CEP350: variants seen among roughly 807,000 people sequenced by gnomAD.
CEP350 encodes centrosomal protein 350.
CEP350 carries 126 observed loss-of-function variants against 331.8 expected under a neutral mutation model. The ratio of observed to expected loss-of-function variants is 0.38; its 90% CI spans 0.33 to 0.44. CEP350 has a LOEUF of 0.44. CEP350 is among the 20% of genes least tolerant of loss of function. The pLI, the probability that CEP350 is intolerant of heterozygous loss-of-function variation, is 1.00. For missense variants in CEP350, 3,406 were observed against 3,634.6 expected, an observed-to-expected ratio of 0.94 and a Z score of 1.62; for synonymous variants, 1,200 against 1,259.5, an observed-to-expected ratio of 0.95 and a Z score of 1.00.
chr1:179,999,341 A>G (rs991240250), intron 6 of CEP350, among the ~76,000 whole-genome samples: 6 of 152,032 alleles, frequency 3.9e-5, no homozygotes, highest in Admixed American at 1.3e-4. Context: ...TAATCCTTTT[A>G]CTATTTTTTT....
intron 37 of CEP350, among the ~76,000 whole-genome samples, chr1:180,102,901 G>A (rs879291503): frequency 6.6e-6 from 1 of 152,214 alleles, no homozygotes; most frequent in Non-Finnish European, 1.5e-5. Context: ...AGGGTTCGTC[G>A]TCTCGAGCTG....
At chr1:180,101,256 A>G (rs1008626816) in intron 37 of CEP350, among the ~76,000 whole-genome samples, 3 of 152,174 alleles carry the variant, frequency 2.0e-5, no homozygotes, top group East Asian at 3.9e-4. Context: ...CCTGACCTAT[A>G]TAACTTTTTG....
At chr1:179,969,053 A>AGTT (rs1651235703) in intron 1 of CEP350, 1 of 733,748 alleles carries the variant, frequency 1.4e-6, no homozygotes, top group South Asian at 1.4e-5. Context: ...ATCTTAGGTT[A>AGTT]ACCTACCTAC....
chr1:179,971,547 A>G (rs1432291334), intron 1 of CEP350, among the ~76,000 whole-genome samples: 2 of 152,042 alleles, frequency 1.3e-5, no homozygotes, highest in African/African-American at 4.8e-5. Flanking sequence ...GCTGGTCTTG[A>G]ACTCTTGGAC....
In CEP350 at chr1:180,050,690, A is replaced by C. The variant is rs972069553; in HGVS notation, c.4792+1985A>C. Among the ~76,000 whole-genome samples the C allele has an allele frequency of 7.5e-5, 11 of 147,162 alleles. No individual in the cohort carries two copies. In the East Asian group the frequency reaches 1.8e-3, roughly 24 times the overall value. On this transcript the variant is annotated intron_variant, in intron 22 of 37. Coordinates refer to ENST00000367607, the MANE Select transcript of CEP350 (RefSeq NM_014810.5). The stretch of plus-strand genomic sequence containing the variant: ...AAAAAAACCAAAAAAAAAAAAAAAA[A>C]CAAAAAAACCTCAATAATAGGAAAA...
Position 180,020,409 on chromosome 1 carries a change from C to G in CEP350, c.2635C>G (p.Pro879Ala), listed in dbSNP as rs1438671801. The G allele has an allele frequency of 1.1e-5, 17 of 1,613,818 alleles. No individual in the cohort carries two copies. The highest frequency in any genetic ancestry group is 1.4e-5 in the Non-Finnish European group (17 of 1,179,892). The change falls in exon 12 of 38, where the codon CCA (proline) becomes GCA (alanine). Residue 879 changes from proline to alanine, a missense_variant. Transcript: ENST00000367607. The stretch of plus-strand genomic sequence containing the variant: ...TGGACCTTGGACCAAGGCTGTAACT[C>G]CACCTGTGAAAGATGATAATGAAGA... ...EDGPWTKAVTPPVKDDNEDVF... is the reference protein window; with the variant it reads ...EDGPWTKAVTAPVKDDNEDVF...
intron 22 of CEP350, among the ~76,000 whole-genome samples, chr1:180,052,012 T>C (rs1200983931): frequency 6.6e-6 from 1 of 152,180 alleles, no homozygotes; most frequent in Non-Finnish European, 1.5e-5. Flanking sequence ...ATCATAGACA[T>C]AAGTACGAAT....
At chr1:180,109,881 C>T (rs1374891933) in intron 37 of CEP350, among the ~76,000 whole-genome samples, 1 of 152,252 alleles carries the variant, frequency 6.6e-6, no homozygotes, top group South Asian at 2.1e-4. Flanking sequence ...GTGATCCACC[C>T]GCCTAGGCCT....
chr1:180,049,700 C>T (rs1249211804), intron 22 of CEP350, among the ~76,000 whole-genome samples: 2 of 152,070 alleles, frequency 1.3e-5, no homozygotes, highest in Non-Finnish European at 2.9e-5. Flanking sequence ...CGCACCACAA[C>T]ACCTGGCTAA....
intron 16 of CEP350, among the ~76,000 whole-genome samples, chr1:180,035,229 G>T (rs1656272264): frequency 6.6e-6 from 1 of 152,238 alleles, no homozygotes; most frequent in African/African-American, 2.4e-5. Flanking sequence ...GAAGCTAGCA[G>T]AGGTTAAAGA....
chr1:180,048,841 G>A, intron 22 of CEP350, 136 bp downstream of exon 22: 1 of 687,702 alleles, frequency 1.5e-6, no homozygotes, highest in Non-Finnish European at 2.4e-6. Context: ...GGCTGAGCTG[G>A]GAGAATTGCT....
chr1:180,052,094 T>C, intron 22 of CEP350: 1 of 388,234 alleles, frequency 2.6e-6, no homozygotes, highest in South Asian at 1.9e-5. Context: ...TGCACACACG[T>C]ATACATGGAT....
At chr1:179,979,556 G>C (rs942100214) in intron 1 of CEP350, among the ~76,000 whole-genome samples, 7 of 151,680 alleles carry the variant, frequency 4.6e-5, no homozygotes, top group Admixed American at 2.6e-4. Flanking sequence ...TTGATATAAT[G>C]CCATTTGTTA....
intron 28 of CEP350, among the ~76,000 whole-genome samples, chr1:180,075,469 C>CT (rs1659161091): frequency 6.6e-6 from 1 of 151,950 alleles, no homozygotes; most frequent in Non-Finnish European, 1.5e-5. Context: ...GCCTATAGTC[C>CT]TAGCTACTGA....
Position 180,041,172 on chromosome 1 carries a change from T to C in CEP350, c.4145T>C (p.Leu1382Pro). The C allele has an allele frequency of 1.3e-6, 2 of 1,597,788 alleles. No homozygotes were observed. Among genetic ancestry groups the C allele is most frequent in the Non-Finnish European group, 1.7e-6 (2 of 1,172,054 alleles). The part of the protein sequence containing the change: ...QQQRHERDLA[L>P]LKLKAEQEAL... ...CAACGCCATGAAAGAGACTTGGCCC[T>C]CTTGAAACTAAAGGCTGAACAAGAG... Residue 1382 changes from leucine to proline, a missense_variant, in exon 18 of 38, where the codon CTC becomes CCC. By Grantham distance (98) the Leu-to-Pro change is moderately conservative (BLOSUM62 -3). Coordinates refer to ENST00000367607, the MANE Select transcript of CEP350 (RefSeq NM_014810.5).
chr1:179,964,243 GATA>G (rs1650830410), intron 1 of CEP350, among the ~76,000 whole-genome samples: 1 of 152,068 alleles, frequency 6.6e-6, no homozygotes, highest in Non-Finnish European at 1.5e-5. Context: ...GTTGAACAGA[GATA>G]ATTTGAGTTT....
chr1:179,984,362 A>G (rs1300421351), intron 1 of CEP350, among the ~76,000 whole-genome samples: 1 of 152,242 alleles, frequency 6.6e-6, no homozygotes, highest in Non-Finnish European at 1.5e-5. Context: ...GGTTGCAGTC[A>G]GGATGTCAGG....
intron 29 of CEP350, 97 bp downstream of exon 29, chr1:180,078,771 T>A: frequency 1.0e-6 from 1 of 970,060 alleles, no homozygotes; most frequent in Non-Finnish European, 1.5e-6. Flanking sequence ...CAGTGTTAAC[T>A]GTCACCATAC....
At chr1:179,997,455 A>G (rs970622942) in intron 6 of CEP350, among the ~76,000 whole-genome samples, 11 of 151,474 alleles carry the variant, frequency 7.3e-5, no homozygotes, top group African/African-American at 2.7e-4. Context: ...AGGCAGGAGA[A>G]TGGTGTGAAC....
Sources: gnomAD v4.1 joint callset for allele counts (sites outside exome capture counted in the v4.1 genomes callset) on GRCh38, gnomAD v4.1.1 for gene constraint, MANE v1.5 for transcripts, NCBI Gene and HGNC (gene_info 2026-07-23, HGNC 2026-07-21) for gene names.